Variants in MPST observed in about 807,000 individuals in gnomAD.
MPST encodes the protein 3-mercaptopyruvate sulfurtransferase.
Under a neutral mutation model 28.5 loss-of-function variants are expected in MPST, and 27 were observed. The observed-to-expected ratio is 0.95, with a 90% CI of 0.70 to 1.31. MPST has a LOEUF of 1.31. Ranked by LOEUF, MPST falls within the 50% of genes most tolerant of loss-of-function variation. MPST has a pLI of 0.00. For missense variants in MPST, 492 were observed against 471.1 expected, an observed-to-expected ratio of 1.04 and a Z score of -0.41; for synonymous variants, 204 against 209.3, an observed-to-expected ratio of 0.97 and a Z score of 0.22.
Position 37,024,567 on chromosome 22 carries a change from C to G in MPST, c.412C>G (p.Arg138Gly), listed in dbSNP as rs777346045. The change falls in exon 2 of 3, where the codon CGC (arginine) becomes GGC (glycine). Residue 138 changes from arginine (R) to glycine (G), a missense_variant. Arg to Gly is a moderately radical substitution (Grantham distance 125). Coordinates refer to ENST00000429360, the MANE Select transcript of MPST (RefSeq NM_021126.8). ...YSAPRVWWMF[R>G]AFGHHAVSLL... ...CGCCCCGCGCGTCTGGTGGATGTTC[C>G]GCGCCTTCGGCCACCACGCCGTGTC... is the stretch of plus-strand genomic sequence containing the variant. 2.5e-6 allele frequency: 4 copies of G among 1,583,868 alleles called. No individual in the cohort carries two copies. The highest frequency in any genetic ancestry group is 2.6e-6 in the Non-Finnish European group (3 of 1,171,870).
At chr22:37,025,062 A>C (rs940935504) in intron 2 of MPST, 2 of 1,511,706 alleles carry the variant, frequency 1.3e-6, no homozygotes, top group African/African-American at 2.8e-5. Flanking sequence ...CTGCAGCCTC[A>C]ACCTCCTGGG....
intron 2 of MPST, chr22:37,027,998 C>T (rs2145925292): frequency 6.6e-6 from 1 of 152,306 alleles, no homozygotes. Context: ...TTCATCTTTA[C>T]AAAAGAGAGG....
At position 37,029,489 on chromosome 22, in the gene MPST, CAG is replaced by C. The variant is rs1568971626; in HGVS notation, c.932_933del (p.Glu311GlyfsTer28). 1.2e-6 allele frequency: 2 copies of C among 1,608,184 alleles called. No individual in the cohort carries two copies. Among genetic ancestry groups the C allele is most frequent in the African/African-American group, 2.7e-5 (2 of 74,950 alleles). ...CGCGCCCGGCCCGAGGATGTCATCTCAGAGGGCCGGGGGAAGACCCACTGAAG... is the reference window on the plus strand; with the variant it reads ...CGCGCCCGGCCCGAGGATGTCATCTCAGGGCCGGGGGAAGACCCACTGAAG... On this transcript the variant is annotated frameshift_variant, in exon 3 of 3. Coordinates refer to ENST00000429360, the MANE Select transcript of MPST (RefSeq NM_021126.8). LOFTEE classifies it high-confidence loss of function.
chr22:37,024,491 C>T lies in MPST; in HGVS notation c.336C>T (p.Gly112=). The change falls in exon 2 of 3, where the codon GGC becomes GGT. Residue 112 remains glycine (G), a synonymous_variant. Transcript: ENST00000429360. ...AGTACGCAGGCCGCCTGGGCGTGGGCGCGGCCACCCACGTCGTGATCTACG... is the reference window on the plus strand; with the variant it reads ...AGTACGCAGGCCGCCTGGGCGTGGGTGCGGCCACCCACGTCGTGATCTACG... The part of the protein sequence containing the change: ...FAEYAGRLGV[G]AATHVVIYDA... The T allele has an allele frequency of 1.9e-6, 3 of 1,559,338 alleles. No individual in the cohort carries two copies. Among genetic ancestry groups the T allele is most frequent in the South Asian group, 1.2e-5 (1 of 85,776 alleles).
At chr22:37,025,883 G>A (rs1923490124) in intron 2 of MPST, 1 of 152,262 alleles carries the variant, frequency 6.6e-6, no homozygotes, top group Non-Finnish European at 1.5e-5. Flanking sequence ...CATTGTTTTG[G>A]ATGGCCTGAG....
rs1243454271 is a variant in MPST, at chr22:37,029,199, C to T, written c.656-17C>T. 3 of 1,608,910 alleles carry T rather than the reference C, an allele frequency of 1.9e-6. No individual in the cohort carries two copies. In the African/African-American group the frequency reaches 4.0e-5, roughly 22 times the overall value. ...CATCCTTCTATTTGTCCCCTCCTCC[C>T]TGCTCCCCTGCTGTAGGCATTGAAC... is the stretch of plus-strand genomic sequence containing the variant. On this transcript the variant is annotated splice_polypyrimidine_tract_variant and intron_variant, in intron 2 of 2. Transcript: ENST00000429360.
In MPST at chr22:37,024,588, G is replaced by A. The variant is rs774774429; in HGVS notation, c.433G>A (p.Val145Met). Residue 145 changes from valine to methionine, a missense_variant, in exon 2 of 3, where the codon GTG becomes ATG. Val to Met is a conservative substitution (Grantham distance 21). Coordinates refer to ENST00000429360, the MANE Select transcript of MPST (RefSeq NM_021126.8). The part of the protein sequence containing the change: ...WMFRAFGHHA[V>M]SLLDGGLRHW... ...GTTCCGCGCCTTCGGCCACCACGCCGTGTCACTGCTTGATGGCGGCCTCCG... is the reference window on the plus strand; with the variant it reads ...GTTCCGCGCCTTCGGCCACCACGCCATGTCACTGCTTGATGGCGGCCTCCG... 5 of 1,593,100 alleles carry A rather than the reference G, an allele frequency of 3.1e-6. No homozygotes were observed. Among genetic ancestry groups the A allele is most frequent in the East Asian group, 2.3e-5 (1 of 44,432 alleles).
In MPST at chr22:37,024,668, C is replaced by T. The variant is rs772514032; in HGVS notation, c.513C>T (p.Pro171=). 32 of 1,598,880 alleles carry T rather than the reference C, an allele frequency of 2.0e-5. No individual in the cohort carries two copies. The highest frequency in any genetic ancestry group is 4.0e-5 in the African/African-American group (3 of 74,928). Residue 171 remains proline, a synonymous_variant, in exon 2 of 3, where the codon CCC becomes CCT. Transcript: ENST00000429360. ...GCTCCGGCAAGAGCCAACCTGCTCC[C>T]GCCGAGTTCCGCGCTCAGCTCGACC... ...PLSSGKSQPA[P]AEFRAQLDPA... is the part of the protein sequence containing the mutation.
intron 1 of MPST, among the ~76,000 whole-genome samples, chr22:37,022,281 G>A (rs906688347): frequency 1.3e-5 from 2 of 152,106 alleles, no homozygotes; most frequent in Non-Finnish European, 2.9e-5. Context: ...CCTACTCCAG[G>A]AAGCCTTCCC....
intron 1 of MPST, 27 bp from the exon 2 acceptor site, chr22:37,024,165 C>G: frequency 7.3e-7 from 1 of 1,371,030 alleles, no homozygotes; most frequent in Non-Finnish European, 9.3e-7. Context: ...TCCCTGCTTC[C>G]CTTCTGACAT....
Position 37,023,831 on chromosome 22 carries a change from T to C in MPST, c.37-361T>C. ...TTGCAAATAAAGCCGAGCTGCATCTTAGGGAGGGGTGGAGACTTTGCCCCT... is the reference window on the plus strand; with the variant it reads ...TTGCAAATAAAGCCGAGCTGCATCTCAGGGAGGGGTGGAGACTTTGCCCCT... On this transcript the variant is annotated intron_variant, in intron 1 of 2. Transcript: ENST00000429360. The C allele has an allele frequency of 3.1e-6, 4 of 1,306,532 alleles. No homozygotes were observed. In the South Asian group the frequency reaches 4.2e-5, roughly 14 times the overall value. 80.9% of individuals were successfully genotyped at this position (1,306,532 alleles called of 1,614,324 possible). A position where few individuals can be genotyped will look rare whatever the true frequency, so the allele number is the denominator to read the frequency against.
intron 2 of MPST, chr22:37,026,196 G>A (rs764617702): frequency 6.6e-6 from 1 of 152,102 alleles, no homozygotes; most frequent in Admixed American, 6.5e-5. Flanking sequence ...GCCAGACTGG[G>A]GTTCAGATCC....
Position 37,028,970 on chromosome 22 carries a change from G to A in MPST, c.656-246G>A, listed in dbSNP as rs1375706045. ...GCCCAGTTCTTAGGTTCAAAGTTCA[G>A]TCAGCAATTTGCTAGATGTGTTAGC... On this transcript the variant is annotated intron_variant, in intron 2 of 2. Transcript: ENST00000429360. 5 of 499,006 alleles carry A rather than the reference G, an allele frequency of 1.0e-5. No individual in the cohort carries two copies. The Admixed American group carries it at 1.8e-4, about 18-fold the overall frequency. 30.9% of individuals were successfully genotyped at this position (499,006 alleles called of 1,614,324 possible).
rs1196875018 is a variant in MPST, at chr22:37,024,704, C to A, written c.549C>A (p.Ile183=). The change falls in exon 2 of 3, where the codon ATC becomes ATA. Residue 183 remains isoleucine, a synonymous_variant. Transcript: ENST00000429360. ...EFRAQLDPAF[I]KTYEDIKENL... The stretch of plus-strand genomic sequence containing the variant: ...GCGCTCAGCTCGACCCCGCCTTCAT[C>A]AAGACCTACGAGGACATCAAGGAGA... 2.5e-6 allele frequency: 4 copies of A among 1,599,874 alleles called. No homozygotes were observed. The highest frequency in any genetic ancestry group is 3.4e-6 in the Non-Finnish European group (4 of 1,179,822).
intron 2 of MPST, chr22:37,025,137 G>C (rs1386336694): frequency 2.2e-5 from 30 of 1,395,144 alleles, no homozygotes; most frequent in Admixed American, 6.7e-5. Flanking sequence ...GGTGGGGAAG[G>C]AGATTTGACT....
chr22:37,024,475 G>C lies in MPST; in HGVS notation c.320G>C (p.Gly107Ala). The change falls in exon 2 of 3, where the codon GGC becomes GCC. Residue 107 changes from glycine (G) to alanine (A), a missense_variant. Coordinates refer to ENST00000429360, the MANE Select transcript of MPST (RefSeq NM_021126.8). ...PGAEHFAEYA[G>A]RLGVGAATHV... ...GCCGAGCATTTCGCGGAGTACGCAG[G>C]CCGCCTGGGCGTGGGCGCGGCCACC... 1 of 1,557,650 alleles carries C rather than the reference G, an allele frequency of 6.4e-7. No homozygotes were observed.
At position 37,029,270 on chromosome 22, in the gene MPST, T is replaced by A; in HGVS notation, c.710T>A (p.Leu237Gln). 1.9e-6 allele frequency: 3 copies of A among 1,614,170 alleles called. No homozygotes were observed. The highest frequency in any genetic ancestry group is 2.5e-6 in the Non-Finnish European group (3 of 1,180,030). Residue 237 changes from leucine to glutamine, a missense_variant, in exon 3 of 3, where the codon CTG becomes CAG. Transcript: ENST00000429360. ...GTVNIPFTDF[L>Q]SQEGLEKSPE... is the part of the protein sequence containing the mutation. ...GTGAACATCCCCTTCACAGACTTCC[T>A]GAGCCAGGAGGGGCTGGAGAAGAGC...
Position 37,019,856 on chromosome 22 carries a change from G to C in MPST, c.20G>C (p.Arg7Pro). The C allele has an allele frequency of 8.2e-7, 1 of 1,222,752 alleles. No homozygotes were observed. Among genetic ancestry groups the C allele is most frequent in the Non-Finnish European group, 1.0e-6 (1 of 976,728 alleles). The allele number at this position is 1,222,752 out of a possible 1,614,324, so 75.7% of individuals were successfully genotyped here. A position where few individuals can be genotyped will look rare whatever the true frequency, so the allele number is the denominator to read the frequency against. MAEPGS[R>P]ESETRARSPS... The stretch of plus-strand genomic sequence containing the variant: ...GGGGCCATGGCGGAGCCAGGAAGCC[G>C]GGAGTCCGAGACCCGGGTAACTGCC... Residue 7 changes from arginine (R) to proline (P), a missense_variant, in exon 1 of 3, where the codon CGG becomes CCG. Transcript: ENST00000429360.
chr22:37,027,214 A>T (rs1923591159), intron 2 of MPST: 2 of 152,544 alleles, frequency 1.3e-5, no homozygotes, highest in East Asian at 1.9e-4. Flanking sequence ...CGGCCTCCCA[A>T]AGTGCTGGGA....
Sources: allele counts gnomAD v4.1 joint callset (sites outside exome capture counted in the v4.1 genomes callset), GRCh38; gene constraint gnomAD v4.1.1; transcripts MANE v1.5; gene names NCBI Gene and HGNC (gene_info 2026-07-23, HGNC 2026-07-21).